NCK1: variants seen among roughly 807,000 people sequenced by gnomAD.
NCK1 encodes the protein NCK adaptor protein 1, also known as SH2/SH3 adapter protein NCK1.
In NCK1, 19 loss-of-function variants were observed where a neutral mutation model predicts 36.6. That is an observed-to-expected ratio of 0.52 (90% confidence interval 0.36 to 0.76). NCK1 has a LOEUF of 0.76. Among genes scored for constraint, NCK1 ranks in the 30% least tolerant of loss-of-function variants. The pLI is 0.00. For synonymous variants in NCK1, 165 were observed against 156.0 expected (o/e 1.06, Z -0.43); for missense variants, 358 against 445.6 (o/e 0.80, Z 1.77).
intron 1 of NCK1, among the ~76,000 whole-genome samples, chr3:136,913,737 C>T (rs1939887791): frequency 6.6e-6 from 1 of 152,182 alleles, no homozygotes; most frequent in African/African-American, 2.4e-5. Flanking sequence ...GGCGCGATCT[C>T]GGCCCACTGC....
rs1386767477 is a variant in NCK1, at chr3:136,866,312, C to A, written c.-19+3959C>A. Among the ~76,000 whole-genome samples the A allele has an allele frequency of 2.1e-5, 3 of 143,368 alleles. No homozygotes were observed. The South Asian group carries it at 6.7e-4, about 32-fold the overall frequency. 94.1% of individuals were successfully genotyped at this position (143,368 alleles called of 152,430 possible). On this transcript the variant is annotated intron_variant, in intron 1 of 3. Coordinates refer to ENST00000481752, the MANE Select transcript of NCK1 (RefSeq NM_001291999.2). Reference sequence around the variant, plus strand: ...ATCATTCCTTTTTCTTTCTTTCTTTCTTTTTTTTTTTTTGAGACAGAGTCT... The same window carrying A: ...ATCATTCCTTTTTCTTTCTTTCTTTATTTTTTTTTTTTTGAGACAGAGTCT...
At chr3:136,886,229 GGTAGTAT>G (rs1220530233) in intron 1 of NCK1, among the ~76,000 whole-genome samples, 2 of 152,066 alleles carry the variant, frequency 1.3e-5, no homozygotes, top group Non-Finnish European at 2.9e-5. Context: ...CTTGGCTATA[GGTAGTAT>G]ATAGTTATCC....
rs988081514 is a variant in NCK1, at chr3:136,948,805, T to C, written c.*352T>C. 1 of 157,740 alleles carries C rather than the reference T, an allele frequency of 6.3e-6. No individual in the cohort carries two copies. Among genetic ancestry groups the C allele is most frequent in the Non-Finnish European group, 1.4e-5 (1 of 71,456 alleles). 9.8% of individuals were successfully genotyped at this position (157,740 alleles called of 1,614,324 possible). A position where few individuals can be genotyped will look rare whatever the true frequency, so the allele number is the denominator to read the frequency against. On this transcript the variant is annotated 3_prime_UTR_variant, in exon 4 of 4. Transcript: ENST00000481752. Reference sequence around the variant, plus strand: ...TTATTGCCTTTCCTTTGTTTCCTTGTAAAGGCACCCTGTTCTGTTATGGTT... The same window carrying C: ...TTATTGCCTTTCCTTTGTTTCCTTGCAAAGGCACCCTGTTCTGTTATGGTT...
At chr3:136,936,583 T>G (rs1421521118) in intron 2 of NCK1, among the ~76,000 whole-genome samples, 1 of 152,198 alleles carries the variant, frequency 6.6e-6, no homozygotes, top group Non-Finnish European at 1.5e-5. Flanking sequence ...GTGGCACCAT[T>G]TTACATTCCA....
chr3:136,886,881 T>C (rs895085430), intron 1 of NCK1, among the ~76,000 whole-genome samples: 1 of 151,542 alleles, frequency 6.6e-6, no homozygotes, highest in Non-Finnish European at 1.5e-5. Flanking sequence ...TTTGCTCTTA[T>C]TGCCCAGGCT....
chr3:136,902,467 T>G (rs545100535), intron 1 of NCK1, among the ~76,000 whole-genome samples: 5 of 152,310 alleles, frequency 3.3e-5, no homozygotes, highest in African/African-American at 7.2e-5. Flanking sequence ...AGTGCTAAGA[T>G]TACAGGCGCG....
intron 2 of NCK1, among the ~76,000 whole-genome samples, chr3:136,937,150 T>C (rs1329125440): frequency 6.6e-6 from 1 of 152,226 alleles, no homozygotes; most frequent in East Asian, 1.9e-4. Context: ...TGATGTGAAG[T>C]TGGAGTCCAG....
chr3:136,940,520 C>G (rs1252194171), intron 2 of NCK1, among the ~76,000 whole-genome samples: 1 of 151,896 alleles, frequency 6.6e-6, no homozygotes, highest in Non-Finnish European at 1.5e-5. Context: ...ATATGCTGTC[C>G]TTTGTCTTTA....
chr3:136,914,295 G>C (rs1057504925), intron 1 of NCK1, among the ~76,000 whole-genome samples: 4 of 152,208 alleles, frequency 2.6e-5, no homozygotes, highest in Non-Finnish European at 5.9e-5. Context: ...TGGGGAATGG[G>C]TAGTCACTGC....
intron 1 of NCK1, among the ~76,000 whole-genome samples, chr3:136,875,103 T>G (rs910581369): frequency 2.6e-5 from 4 of 152,230 alleles, no homozygotes; most frequent in Admixed American, 2.6e-4. Context: ...CTGGGACATT[T>G]TCTTTAATTA....
intron 1 of NCK1, among the ~76,000 whole-genome samples, chr3:136,915,624 A>C (rs1939944237): frequency 6.6e-6 from 1 of 152,176 alleles, no homozygotes; most frequent in Non-Finnish European, 1.5e-5. Context: ...GTAATTTATA[A>C]AGAAAAGAGG....
intron 1 of NCK1, among the ~76,000 whole-genome samples, chr3:136,926,565 G>A (rs1282744771): frequency 1.3e-5 from 2 of 151,890 alleles, no homozygotes; most frequent in African/African-American, 2.4e-5. Flanking sequence ...ATGAGCCACC[G>A]CGCCCGGCCA....
At chr3:136,908,444 A>C (rs547731961) in intron 1 of NCK1, among the ~76,000 whole-genome samples, 1 of 152,308 alleles carries the variant, frequency 6.6e-6, no homozygotes, top group African/African-American at 2.4e-5. Flanking sequence ...CAGCTTGCAA[A>C]GTGAGGGTGA....
At chr3:136,902,808 A>G (rs1204339944) in intron 1 of NCK1, among the ~76,000 whole-genome samples, 1 of 152,210 alleles carries the variant, frequency 6.6e-6, no homozygotes, top group Non-Finnish European at 1.5e-5. Context: ...TATATTTAGA[A>G]AAACCTAGAC....
intron 1 of NCK1, among the ~76,000 whole-genome samples, chr3:136,866,906 C>A (rs1938429942): frequency 1.3e-5 from 2 of 149,378 alleles, no homozygotes; most frequent in African/African-American, 4.9e-5. Context: ...AGCCACTGTG[C>A]CCGTCCAGTT....
At chr3:136,914,057 A>G in intron 1 of NCK1, among the ~76,000 whole-genome samples, 1 of 152,230 alleles carries the variant, frequency 6.6e-6, no homozygotes, top group East Asian at 1.9e-4. Context: ...AGAAAAATGA[A>G]GAAATAAAAA....
chr3:136,951,098 A>C lies in NCK1; in HGVS notation c.*2645A>C, dbSNP rs1440515994. Among the ~76,000 whole-genome samples the C allele has an allele frequency of 2.0e-5, 3 of 152,212 alleles. No homozygotes were observed. The highest frequency in any genetic ancestry group is 4.4e-5 in the Non-Finnish European group (3 of 68,020). ...TGCAATCTATTGCCATTGCTAGAAG[A>C]ATAAATAGGCCTAGCAGATGGGCAA... On this transcript the variant is annotated 3_prime_UTR_variant, in exon 4 of 4. Transcript: ENST00000481752.
chr3:136,913,818 G>A (rs929650310), intron 1 of NCK1, among the ~76,000 whole-genome samples: 46 of 152,124 alleles, frequency 3.0e-4, no homozygotes, highest in Non-Finnish European at 3.5e-4. Flanking sequence ...ACAGGCGCCC[G>A]CCACCGCGCC....
intron 1 of NCK1, among the ~76,000 whole-genome samples, chr3:136,893,198 A>ACACACACACACACACCATATTT (rs1347213828): frequency 3.8e-5 from 5 of 132,238 alleles, no homozygotes; most frequent in African/African-American, 8.5e-5. Context: ...ATATACACAC[A>ACACACACACACACACCATATTT]TGTGCAAGTA....
Sources: allele counts gnomAD v4.1 joint callset (sites outside exome capture counted in the v4.1 genomes callset), GRCh38; gene constraint gnomAD v4.1.1; transcripts MANE v1.5; gene names NCBI Gene and HGNC (gene_info 2026-07-23, HGNC 2026-07-21).